CADPS: variants seen among roughly 807,000 people sequenced by gnomAD.
CADPS encodes calcium-dependent secretion activator 1.
A neutral mutation model predicts 167.3 loss-of-function variants in CADPS; 57 were observed. The observed-to-expected ratio is 0.34, with a 90% confidence interval of 0.28 to 0.42. The LOEUF (loss-of-function observed/expected upper bound fraction) is 0.42. CADPS is among the 20% of genes least tolerant of loss of function. CADPS has a pLI of 1.00. For missense variants in CADPS, 1,414 were observed against 1,738.1 expected (o/e 0.81, Z 3.32); for synonymous variants, 676 against 635.3 (o/e 1.06, Z -0.96).
chr3:62,648,691 CAAA>C (rs55665003), intron 5 of CADPS, among the ~76,000 whole-genome samples: 2 of 54,524 alleles, frequency 3.7e-5, no homozygotes, highest in African/African-American at 1.2e-4. Context: ...GACGTTGTGT[CAAA>C]AAAAAAAAAA....
intron 17 of CADPS, among the ~76,000 whole-genome samples, chr3:62,500,946 G>A (rs536354581): frequency 2.2e-4 from 33 of 152,312 alleles, no homozygotes; most frequent in African/African-American, 7.7e-4. Context: ...CAAATGGGAT[G>A]TAAGGTGATT....
intron 1 of CADPS, among the ~76,000 whole-genome samples, chr3:62,851,858 C>A (rs912485327): frequency 2.0e-4 from 30 of 151,744 alleles, no homozygotes; most frequent in African/African-American, 7.3e-4. Flanking sequence ...TGGATAACAT[C>A]CTGCAGAGTG....
At chr3:62,850,661 T>C (rs974277599) in intron 1 of CADPS, among the ~76,000 whole-genome samples, 3 of 151,610 alleles carry the variant, frequency 2.0e-5, no homozygotes, top group African/African-American at 7.3e-5. Flanking sequence ...ATTTCTGTTC[T>C]TTTACATTTG....
chr3:62,846,140 G>A (rs892946636), intron 1 of CADPS, among the ~76,000 whole-genome samples: 1 of 151,772 alleles, frequency 6.6e-6, no homozygotes, highest in African/African-American at 2.4e-5. Flanking sequence ...ATGATTGTAA[G>A]TTTCCTGCAG....
chr3:62,464,914 T>G (rs896561296), intron 26 of CADPS, among the ~76,000 whole-genome samples: 2 of 152,164 alleles, frequency 1.3e-5, no homozygotes, highest in Admixed American at 1.3e-4. Context: ...GATTTTTAAA[T>G]GTAGGCAATT....
rs1200434514 is a variant in CADPS, at chr3:62,467,249, A to G, written c.3478-836T>C. On this transcript the variant is annotated intron_variant, in intron 24 of 29. Coordinates refer to ENST00000383710, the MANE Select transcript of CADPS (RefSeq NM_003716.4). Reference sequence around the variant, plus strand: ...TGAATTATCCCATATTTCCCTAACAAAAAATAACAATGCAAGACATTGTTA... The same window carrying G: ...TGAATTATCCCATATTTCCCTAACAGAAAATAACAATGCAAGACATTGTTA... 5.6e-6 allele frequency: 6 copies of G among 1,066,830 alleles called. No individual in the cohort carries two copies. The South Asian group carries it at 9.3e-5, about 17-fold the overall frequency. The allele number at this position is 1,066,830 out of a possible 1,614,324, so 66.1% of individuals were successfully genotyped here.
At chr3:62,845,286 C>T (rs1381378067) in intron 1 of CADPS, among the ~76,000 whole-genome samples, 2 of 152,196 alleles carry the variant, frequency 1.3e-5, no homozygotes, top group Non-Finnish European at 2.9e-5. Context: ...AGGCTCACAT[C>T]ATCACGATTT....
At chr3:62,526,085 G>A (rs981123045) in intron 13 of CADPS, among the ~76,000 whole-genome samples, 3 of 152,082 alleles carry the variant, frequency 2.0e-5, no homozygotes, top group East Asian at 1.9e-4. Flanking sequence ...TTGGGCAACC[G>A]GGAGGATGAA....
intron 3 of CADPS, among the ~76,000 whole-genome samples, chr3:62,688,629 T>A (rs1287267857): frequency 2.0e-5 from 3 of 152,126 alleles, no homozygotes; most frequent in Non-Finnish European, 4.4e-5. Flanking sequence ...AGCCTCATTT[T>A]ATTCTTGCTC....
At chr3:62,578,609 C>CAAAAAAAAAAAAAAAAAAAAA (rs371060540) in intron 8 of CADPS, among the ~76,000 whole-genome samples, 1 of 67,008 alleles carries the variant, frequency 1.5e-5, no homozygotes, top group Non-Finnish European at 2.8e-5. Flanking sequence ...GACTCCGTCT[C>CAAAAAAAAAAAAAAAAAAAAA]AAAAAAATAA....
At chr3:62,852,181 T>A (rs2078741329) in intron 1 of CADPS, among the ~76,000 whole-genome samples, 1 of 150,524 alleles carries the variant, frequency 6.6e-6, no homozygotes. Context: ...TTCTTCTAAA[T>A]TTTTTTCAAA....
chr3:62,437,964 G>T, intron 28 of CADPS, 140 bp downstream of exon 28: 2 of 612,618 alleles, frequency 3.3e-6, no homozygotes, highest in South Asian at 1.9e-5. Context: ...AGAGCCTAAG[G>T]CAGAGGGAGA....
At chr3:62,594,962 T>G (rs534986730) in intron 6 of CADPS, among the ~76,000 whole-genome samples, 3 of 152,312 alleles carry the variant, frequency 2.0e-5, no homozygotes, top group African/African-American at 7.2e-5. Flanking sequence ...TCATTGTTGT[T>G]TTCATGGATA....
intron 1 of CADPS, among the ~76,000 whole-genome samples, chr3:62,822,668 C>A (rs1222079067): frequency 1.3e-5 from 2 of 151,944 alleles, no homozygotes; most frequent in African/African-American, 4.8e-5. Context: ...ACGGTGAAAC[C>A]CCATCTCTAC....
intron 3 of CADPS, among the ~76,000 whole-genome samples, chr3:62,695,377 C>G (rs940477788): frequency 2.6e-5 from 4 of 152,048 alleles, no homozygotes; most frequent in Non-Finnish European, 5.9e-5. Flanking sequence ...AGCCAGCAAA[C>G]AGAAGTGGCC....
rs1222607294 is a variant in CADPS at position 62,851,956 on chromosome 3, T to G, written c.441+22633A>C. 5.9e-5 allele frequency among the ~76,000 whole-genome samples: 9 copies of G among 151,606 alleles called. No homozygotes were observed. In the East Asian group the frequency reaches 1.6e-3, roughly 26 times the overall value. ...TCTTTTCACATAGTTCCATATTTCT[T>G]GGAGGCTTTGCTCATTTCTTTTTAT... is the stretch of plus-strand genomic sequence containing the variant. On this transcript the variant is annotated intron_variant, in intron 1 of 29. Transcript: ENST00000383710.
intron 3 of CADPS, among the ~76,000 whole-genome samples, chr3:62,699,655 G>A: frequency 6.6e-6 from 1 of 152,000 alleles, no homozygotes; most frequent in East Asian, 1.9e-4. Context: ...TACATCCTCC[G>A]CCTTCCAGGT....
At chr3:62,640,951 A>T (rs1579406843) in intron 6 of CADPS, among the ~76,000 whole-genome samples, 1 of 151,710 alleles carries the variant, frequency 6.6e-6, no homozygotes, top group East Asian at 1.9e-4. Context: ...TTTTTTTTCA[A>T]ATTTACTTTA....
chr3:62,467,345 A>G (rs1193952864), intron 24 of CADPS: 5 of 1,236,368 alleles, frequency 4.0e-6, no homozygotes, highest in Non-Finnish European at 5.2e-6. Flanking sequence ...GGAACAGAAA[A>G]AAAAAGGAAC....
Sources: allele counts gnomAD v4.1 joint callset (sites outside exome capture counted in the v4.1 genomes callset), GRCh38; gene constraint gnomAD v4.1.1; transcripts MANE v1.5; gene names NCBI Gene and HGNC (gene_info 2026-07-23, HGNC 2026-07-21).